GALK2: variants seen among roughly 807,000 people sequenced by gnomAD.
GALK2 encodes galactokinase 2.
Under a neutral mutation model 52.4 loss-of-function variants are expected in GALK2, and 36 were observed. The observed-to-expected ratio is 0.69, with a 90% CI of 0.53 to 0.91. The LOEUF (loss-of-function observed/expected upper bound fraction) is 0.91. Among genes scored for constraint, GALK2 ranks in the 40% least tolerant of loss-of-function variants. GALK2 has a pLI of 0.00. For missense variants in GALK2, 579 were observed against 559.1 expected, an observed-to-expected ratio of 1.04 and a Z score of -0.36; for synonymous variants, 176 against 199.1, an observed-to-expected ratio of 0.88 and a Z score of 0.98.
At chr15:49,171,244 G>A (rs149718974) in intron 1 of GALK2, among the ~76,000 whole-genome samples, 1 of 151,606 alleles carries the variant, frequency 6.6e-6, no homozygotes, top group African/African-American at 2.4e-5. Flanking sequence ...CACCACACCC[G>A]GCTAATTTTG....
intron 3 of GALK2, chr15:49,365,339 A>G (rs2044953043): frequency 1.0e-5 from 16 of 1,560,164 alleles, no homozygotes; most frequent in Non-Finnish European, 1.3e-5. Context: ...AAATGTAAGT[A>G]TCATGCCAAT....
intron 7 of GALK2, among the ~76,000 whole-genome samples, chr15:49,291,004 G>A (rs1047694016): frequency 2.6e-5 from 4 of 151,968 alleles, no homozygotes; most frequent in African/African-American, 4.8e-5. Flanking sequence ...CACCCAGGCC[G>A]GAGCACAGTG....
At chr15:49,249,167 G>A (rs896721123) in intron 5 of GALK2, among the ~76,000 whole-genome samples, 3 of 152,168 alleles carry the variant, frequency 2.0e-5, no homozygotes, top group South Asian at 4.1e-4. Flanking sequence ...ACTTAAAGAT[G>A]AAAATACAAG....
chr15:49,294,361 T>G (rs1424471336), intron 8 of GALK2, among the ~76,000 whole-genome samples: 1 of 152,030 alleles, frequency 6.6e-6, no homozygotes, highest in Non-Finnish European at 1.5e-5. Flanking sequence ...GAACTACAGA[T>G]AGTTGAGTGT....
At chr15:49,211,123 T>C (rs145573286) in intron 2 of GALK2, among the ~76,000 whole-genome samples, 7 of 152,250 alleles carry the variant, frequency 4.6e-5, no homozygotes, top group Non-Finnish European at 1.0e-4. Context: ...CATAAGAGCA[T>C]AGGTTGTTAG....
intron 5 of GALK2, among the ~76,000 whole-genome samples, chr15:49,257,897 T>G (rs1180714027): frequency 6.7e-6 from 1 of 150,230 alleles, no homozygotes; most frequent in South Asian, 2.1e-4. Context: ...ATGGATTATT[T>G]TATTTAATTT....
At chr15:49,171,568 A>G (rs563363000) in intron 1 of GALK2, among the ~76,000 whole-genome samples, 5 of 152,306 alleles carry the variant, frequency 3.3e-5, no homozygotes, top group African/African-American at 1.2e-4. Context: ...ACCAGAAAGA[A>G]GCATGATTTC....
At chr15:49,192,607 A>G (rs1303326204) in intron 1 of GALK2, among the ~76,000 whole-genome samples, 1 of 149,702 alleles carries the variant, frequency 6.7e-6, no homozygotes, top group East Asian at 2.0e-4. Flanking sequence ...TTGTTAGACA[A>G]TGCCCAGTTC....
chr15:49,362,806 G>A (rs1268128717), intron 3 of GALK2, among the ~76,000 whole-genome samples: 1 of 152,002 alleles, frequency 6.6e-6, no homozygotes, highest in Non-Finnish European at 1.5e-5. Flanking sequence ...TTTGTATGTC[G>A]TGTATGGAAG....
At chr15:49,238,542 A>G (rs1284494170) in intron 4 of GALK2, among the ~76,000 whole-genome samples, 1 of 152,198 alleles carries the variant, frequency 6.6e-6, no homozygotes, top group Non-Finnish European at 1.5e-5. Context: ...AATCACAATG[A>G]CGGTTTGCTG....
At chr15:49,168,176 A>G (rs1263430044), upstream of GALK2, among the ~76,000 whole-genome samples, 1 of 152,222 alleles carries the variant, frequency 6.6e-6, no homozygotes, top group Non-Finnish European at 1.5e-5. Flanking sequence ...GGTTTTGTTG[A>G]GACTGCAATA....
intron 7 of GALK2, among the ~76,000 whole-genome samples, chr15:49,285,862 C>T (rs954248031): frequency 1.3e-5 from 2 of 152,124 alleles, no homozygotes; most frequent in Admixed American, 6.6e-5. Flanking sequence ...CTTCCTATTT[C>T]GTTGGAATAA....
chr15:49,174,423 A>G (rs2085305676), intron 1 of GALK2, among the ~76,000 whole-genome samples: 1 of 152,100 alleles, frequency 6.6e-6, no homozygotes, highest in African/African-American at 2.4e-5. Flanking sequence ...TCGGCTCACC[A>G]CAACCACCAC....
chr15:49,171,293 G>T (rs1448330130), intron 1 of GALK2, among the ~76,000 whole-genome samples: 2 of 152,010 alleles, frequency 1.3e-5, no homozygotes, highest in Admixed American at 1.3e-4. Flanking sequence ...TGTTGGTCAG[G>T]CTGGTCTCGA....
At chr15:49,168,803 C>G (rs577769403), upstream of GALK2, among the ~76,000 whole-genome samples, 10 of 150,786 alleles carry the variant, frequency 6.6e-5, no homozygotes, top group African/African-American at 2.4e-4. Flanking sequence ...TTTAGGTTAT[C>G]TCCCTATTAA....
intron 1 of GALK2, among the ~76,000 whole-genome samples, chr15:49,176,740 TA>T (rs2085491848): frequency 6.6e-6 from 1 of 152,166 alleles, no homozygotes; most frequent in Non-Finnish European, 1.5e-5. Context: ...ACCGACATTT[TA>T]TTTAGGGTTT....
chr15:49,285,412 T>C (rs2033234514), intron 7 of GALK2, among the ~76,000 whole-genome samples: 1 of 152,060 alleles, frequency 6.6e-6, no homozygotes, highest in Non-Finnish European at 1.5e-5. Context: ...TCACTCCTCC[T>C]CCCACAGATG....
chr15:49,359,949 T>C (rs1040172110), intron 3 of GALK2, among the ~76,000 whole-genome samples: 24 of 149,690 alleles, frequency 1.6e-4, no homozygotes, highest in African/African-American at 5.7e-4. Flanking sequence ...TGGACATGGA[T>C]GAAATTGGAA....
intron 4 of GALK2, among the ~76,000 whole-genome samples, chr15:49,237,656 T>A: frequency 6.6e-6 from 1 of 152,004 alleles, no homozygotes; most frequent in East Asian, 1.9e-4. Flanking sequence ...TTTGTATTTT[T>A]AGTAGAGACG....
Sources: allele counts gnomAD v4.1 joint callset (sites outside exome capture counted in the v4.1 genomes callset), GRCh38; gene constraint gnomAD v4.1.1; transcripts MANE v1.5; gene names NCBI Gene and HGNC (gene_info 2026-07-23, HGNC 2026-07-21).